The following COPB1 variants were observed in gnomAD, a reference collection of about 807,000 sequenced individuals.
The protein encoded by COPB1 is coatomer subunit beta.
Under a neutral mutation model 108.7 loss-of-function variants are expected in COPB1, and 21 were observed. The observed-to-expected ratio is 0.19, with a 90% CI of 0.14 to 0.28. The LOEUF (loss-of-function observed/expected upper bound fraction) is 0.28, where lower values mean the gene tolerates loss of function less well. Among genes scored for constraint, COPB1 ranks in the 10% least tolerant of loss-of-function variants. The pLI is 1.00. For synonymous variants in COPB1, 378 were observed against 386.8 expected, an observed-to-expected ratio of 0.98 and a Z score of 0.27; for missense variants, 919 against 1,141.3, an observed-to-expected ratio of 0.81 and a Z score of 2.81.
chr11:14,488,432 T>C, intron 6 of COPB1, 60 bp downstream of exon 6: 1 of 953,054 alleles, frequency 1.0e-6, no homozygotes, highest in South Asian at 1.7e-5. Flanking sequence ...AGAAAGAAAG[T>C]ATTTAACCCT....
chr11:14,497,697 T>C (rs1196528091), intron 2 of COPB1, among the ~76,000 whole-genome samples: 2 of 152,094 alleles, frequency 1.3e-5, no homozygotes, highest in South Asian at 2.1e-4. Flanking sequence ...TGGGTATATA[T>C]CCAAAAGAAA....
chr11:14,479,516 A>G (rs1850609328), intron 11 of COPB1, 53 bp downstream of exon 11: 2 of 1,528,278 alleles, frequency 1.3e-6, no homozygotes, highest in Non-Finnish European at 1.8e-6. Context: ...TTTAAAGATA[A>G]AAACTGATAA....
At chr11:14,499,640 G>A (rs913069579) in intron 1 of COPB1, 67 bp downstream of exon 1, 2 of 138,888 alleles carry the variant, frequency 1.4e-5, no homozygotes, top group Non-Finnish European at 3.1e-5. Context: ...AGACGCAAGC[G>A]GCCTAGTCGC....
intron 16 of COPB1, among the ~76,000 whole-genome samples, 185 bp from the exon 17 acceptor site, chr11:14,466,611 A>G (rs559023609): frequency 3.6e-4 from 55 of 152,338 alleles, no homozygotes; most frequent in African/African-American, 7.0e-4. Context: ...AAGAAATAAC[A>G]GGTCCTAGAG....
intron 5 of COPB1, among the ~76,000 whole-genome samples, 158 bp from the exon 6 acceptor site, chr11:14,488,742 C>T (rs770360071): frequency 6.6e-5 from 10 of 152,016 alleles, no homozygotes; most frequent in Non-Finnish European, 1.3e-4. Context: ...ATAAAATTAA[C>T]ATATAAAATA....
intron 10 of COPB1, 51 bp downstream of exon 10, chr11:14,480,708 T>A (rs761495632): frequency 5.7e-5 from 88 of 1,551,094 alleles, no homozygotes; most frequent in South Asian, 2.6e-4. Context: ...CTATATTTTT[T>A]AAAAAATTCT....
chr11:14,470,955 CTCTA>C lies in COPB1; in HGVS notation c.1738-1396_1738-1393del, dbSNP rs1157902012. On this transcript the variant is annotated intron_variant, in intron 14 of 21. Coordinates refer to ENST00000439561, the MANE Select transcript of COPB1 (RefSeq NM_001144061.2). ...ACACACACACACACACTCTCTCTCT[CTCTA>C]CACCCAGGGAGATAAGAATGACAGT... is the stretch of plus-strand genomic sequence containing the variant. Among the ~76,000 whole-genome samples the C allele has an allele frequency of 2.7e-3, 403 of 148,282 alleles. 3 individuals are homozygous for C. The highest frequency in any genetic ancestry group is 9.6e-3 in the African/African-American group (380 of 39,454).
At chr11:14,477,683 T>C (rs1018150740) in intron 11 of COPB1, among the ~76,000 whole-genome samples, 182 of 151,362 alleles carry the variant, frequency 1.2e-3, no homozygotes, top group African/African-American at 4.0e-3. Flanking sequence ...TCACCTGAGG[T>C]TGGGAGTTCA....
In COPB1 at chr11:14,488,603, T is replaced by C. The variant is rs1191878249; in HGVS notation, c.607-19A>G. On this transcript the variant is annotated intron_variant, in intron 5 of 21. Coordinates refer to ENST00000439561, the MANE Select transcript of COPB1 (RefSeq NM_001144061.2). ...CTCGATCCTAAAAAAAATAAGAATA[T>C]ATTTATCATTCTCCACCTCATTCAA... The C allele has an allele frequency of 3.3e-6, 5 of 1,522,450 alleles. No homozygotes were observed. In the South Asian group the frequency reaches 5.9e-5, roughly 18 times the overall value. The allele number at this position is 1,522,450 out of a possible 1,614,324, so 94.3% of individuals were successfully genotyped here. A position where few individuals can be genotyped will look rare whatever the true frequency, so the allele number is the denominator to read the frequency against.
intron 8 of COPB1, among the ~76,000 whole-genome samples, chr11:14,482,782 C>T (rs1338885778): frequency 2.6e-5 from 4 of 152,132 alleles, no homozygotes; most frequent in African/African-American, 4.8e-5. Context: ...ATGATGTGCC[C>T]GCCTCTGCCT....
intron 11 of COPB1, 36 bp from the exon 12 acceptor site, chr11:14,477,051 A>G: frequency 7.5e-7 from 1 of 1,342,038 alleles, no homozygotes; most frequent in Non-Finnish European, 1.1e-6. Context: ...TGAACTTGGC[A>G]GACAAATCTT....
At position 14,464,969 on chromosome 11, in the gene COPB1, A is replaced by G; in HGVS notation, c.2352T>C (p.Asn784=). The stretch of plus-strand genomic sequence containing the variant: ...ATGCTACTTTGACGTTAGCTTTAAT[A>G]TTTGCGAAGTCATGAGGAGCAAGAG... ...PLTLAPHDFA[N]IKANVKVAST... Residue 784 remains asparagine (N), a synonymous_variant, in exon 18 of 22, where the codon AAT becomes AAC. Coordinates refer to ENST00000439561, the MANE Select transcript of COPB1 (RefSeq NM_001144061.2). The G allele has an allele frequency of 1.2e-6, 2 of 1,613,530 alleles. No homozygotes were observed. The highest frequency in any genetic ancestry group is 1.3e-5 in the African/African-American group (1 of 74,964).
intron 14 of COPB1, among the ~76,000 whole-genome samples, 165 bp from the exon 15 acceptor site, chr11:14,469,728 C>T (rs539851485): frequency 6.6e-6 from 1 of 152,272 alleles, no homozygotes; most frequent in African/African-American, 2.4e-5. Flanking sequence ...TCCTTCCTTT[C>T]TACTCTTAAC....
At chr11:14,477,662 A>G (rs1850557813) in intron 11 of COPB1, among the ~76,000 whole-genome samples, 1 of 152,104 alleles carries the variant, frequency 6.6e-6, no homozygotes, top group Non-Finnish European at 1.5e-5. Context: ...TGAGAGGCTG[A>G]GGCGGGCGGA....
chr11:14,471,743 C>T (rs1469261870), intron 14 of COPB1, among the ~76,000 whole-genome samples: 1 of 152,046 alleles, frequency 6.6e-6, no homozygotes. Context: ...CATGGTGAAA[C>T]CCCAGTCTCT....
At chr11:14,468,388 C>A (rs1416222480) in intron 16 of COPB1, among the ~76,000 whole-genome samples, 1 of 152,172 alleles carries the variant, frequency 6.6e-6, no homozygotes, top group Non-Finnish European at 1.5e-5. Context: ...GTTGCCTGTT[C>A]AGCTTCCCTT....
chr11:14,459,060 G>C (rs1460184945), intron 20 of COPB1, among the ~76,000 whole-genome samples: 1 of 152,118 alleles, frequency 6.6e-6, no homozygotes, highest in South Asian at 2.1e-4. Context: ...GAGCCACCAC[G>C]CCCAGCCCCA....
intron 7 of COPB1, 38 bp from the exon 8 acceptor site, chr11:14,483,189 A>G: frequency 6.8e-7 from 1 of 1,467,172 alleles, no homozygotes; most frequent in Non-Finnish European, 9.2e-7. Flanking sequence ...GAAGTTATTC[A>G]TCTATCATAA....
At chr11:14,482,121 A>G (rs530476853) in intron 8 of COPB1, among the ~76,000 whole-genome samples, 1 of 152,252 alleles carries the variant, frequency 6.6e-6, no homozygotes, top group East Asian at 1.9e-4. Context: ...TGATAATTTT[A>G]GTGTATCTCT....
Sources: gnomAD v4.1 joint callset for allele counts (sites outside exome capture counted in the v4.1 genomes callset) on GRCh38, gnomAD v4.1.1 for gene constraint, MANE v1.5 for transcripts, NCBI Gene and HGNC (gene_info 2026-07-23, HGNC 2026-07-21) for gene names.